The following CNTNAP5 variants were observed in gnomAD, a reference collection of about 807,000 sequenced individuals.
CNTNAP5 encodes contactin-associated protein-like 5.
In CNTNAP5, 72 loss-of-function variants were observed where a neutral mutation model predicts 150.2. The ratio of observed to expected loss-of-function variants is 0.48; its 90% CI spans 0.40 to 0.58. The LOEUF (loss-of-function observed/expected upper bound fraction) is 0.58, where lower values mean the gene tolerates loss of function less well. CNTNAP5 is among the 20% of genes least tolerant of loss of function. The pLI is 0.00. For synonymous variants in CNTNAP5, 672 were observed against 619.8 expected, an observed-to-expected ratio of 1.08 and a Z score of -1.25; for missense variants, 1,636 against 1,626.2, an observed-to-expected ratio of 1.01 and a Z score of -0.10.
intron 19 of CNTNAP5, among the ~76,000 whole-genome samples, chr2:124,857,163 A>C (rs1677392464): frequency 6.6e-6 from 1 of 152,090 alleles, no homozygotes; most frequent in South Asian, 2.1e-4. Flanking sequence ...GAGCCTCCCC[A>C]TAAGTACCCC....
chr2:124,030,446 A>G (rs1197398475), intron 1 of CNTNAP5, among the ~76,000 whole-genome samples: 1 of 152,152 alleles, frequency 6.6e-6, no homozygotes, highest in East Asian at 1.9e-4. Flanking sequence ...TAAAAAATCA[A>G]CATCTGGACC....
chr2:124,096,477 C>A (rs1214658695), intron 1 of CNTNAP5, among the ~76,000 whole-genome samples: 1 of 152,072 alleles, frequency 6.6e-6, no homozygotes, highest in African/African-American at 2.4e-5. Flanking sequence ...CTTTAGGGGA[C>A]TAGACATTCA....
intron 19 of CNTNAP5, among the ~76,000 whole-genome samples, chr2:124,840,104 G>T (rs1015933153): frequency 1.2e-4 from 19 of 152,096 alleles, no homozygotes; most frequent in African/African-American, 4.6e-4. Context: ...GAGAGGATGT[G>T]AGTCTCTTTA....
intron 3 of CNTNAP5, among the ~76,000 whole-genome samples, chr2:124,403,682 A>G (rs1691489362): frequency 6.6e-6 from 1 of 152,210 alleles, no homozygotes; most frequent in South Asian, 2.1e-4. Flanking sequence ...GAGGAATTAC[A>G]GTCCGGGTGC....
intron 11 of CNTNAP5, among the ~76,000 whole-genome samples, chr2:124,565,353 A>G (rs1695994355): frequency 2.0e-5 from 3 of 152,182 alleles, no homozygotes; most frequent in African/African-American, 7.2e-5. Context: ...TGGATTGTTC[A>G]TACCACAAAG....
chr2:124,485,523 GA>G (rs1693851785), intron 7 of CNTNAP5, among the ~76,000 whole-genome samples: 1 of 146,082 alleles, frequency 6.8e-6, no homozygotes, highest in Non-Finnish European at 1.5e-5. Flanking sequence ...TGAGGCAGGA[GA>G]ATAGCATGAA....
chr2:124,876,771 C>T (rs566660637), intron 21 of CNTNAP5, among the ~76,000 whole-genome samples: 3 of 152,136 alleles, frequency 2.0e-5, no homozygotes, highest in South Asian at 2.1e-4. Context: ...CTTTTTCAGA[C>T]TCAAATCCTC....
intron 13 of CNTNAP5, among the ~76,000 whole-genome samples, chr2:124,656,267 A>C (rs1036134299): frequency 6.6e-6 from 1 of 152,184 alleles, no homozygotes; most frequent in Non-Finnish European, 1.5e-5. Context: ...TTTCTAACTC[A>C]AAGTCTAGGC....
At chr2:124,775,037 T>C (rs1287064999) in intron 17 of CNTNAP5, among the ~76,000 whole-genome samples, 5 of 152,188 alleles carry the variant, frequency 3.3e-5, no homozygotes, top group Admixed American at 3.3e-4. Context: ...TTCTGCTATG[T>C]TTCTCTCCAA....
At chr2:124,053,642 G>A (rs980102228) in intron 1 of CNTNAP5, among the ~76,000 whole-genome samples, 4 of 152,152 alleles carry the variant, frequency 2.6e-5, no homozygotes, top group Admixed American at 2.6e-4. Flanking sequence ...GAGTTAAATG[G>A]CATGGTTTAC....
intron 3 of CNTNAP5, among the ~76,000 whole-genome samples, chr2:124,245,325 T>C (rs1686989308): frequency 6.6e-6 from 1 of 152,180 alleles, no homozygotes; most frequent in Admixed American, 6.5e-5. Context: ...TTCATCAGAT[T>C]ACGCTGCTGG....
intron 13 of CNTNAP5, among the ~76,000 whole-genome samples, chr2:124,660,276 T>C (rs2105043960): frequency 6.6e-6 from 1 of 152,254 alleles, no homozygotes; most frequent in Middle Eastern, 3.4e-3. Flanking sequence ...GGCATCTATC[T>C]TAGCGGTCTA....
chr2:124,359,178 A>G (rs1199133044), intron 3 of CNTNAP5, among the ~76,000 whole-genome samples: 1 of 151,878 alleles, frequency 6.6e-6, no homozygotes, highest in Non-Finnish European at 1.5e-5. Context: ...TATTGTGTCT[A>G]TTTGATCCTT....
At chr2:124,743,517 A>C (rs560327313) in intron 13 of CNTNAP5, among the ~76,000 whole-genome samples, 1 of 152,298 alleles carries the variant, frequency 6.6e-6, no homozygotes, top group South Asian at 2.1e-4. Context: ...CAGGGTCTGC[A>C]GAAACTCATC....
intron 13 of CNTNAP5, among the ~76,000 whole-genome samples, chr2:124,677,434 C>G (rs1187989040): frequency 6.6e-6 from 1 of 152,224 alleles, no homozygotes; most frequent in Non-Finnish European, 1.5e-5. Context: ...CAGGTTGCTG[C>G]TGCTGGCTGG....
intron 1 of CNTNAP5, among the ~76,000 whole-genome samples, chr2:124,050,301 G>A (rs1403199994): frequency 1.3e-5 from 2 of 151,784 alleles, no homozygotes; most frequent in Non-Finnish European, 2.9e-5. Context: ...CCATCTCTAC[G>A]AAAATACAAA....
At chr2:124,860,452 T>TTTCCTTCC in intron 19 of CNTNAP5, among the ~76,000 whole-genome samples, 1 of 48,272 alleles carries the variant, frequency 2.1e-5, no homozygotes, top group South Asian at 7.2e-4. Flanking sequence ...TCCTTCCTTC[T>TTTCCTTCC]TTCCTTCCTT....
chr2:124,260,955 C>G (rs1037599605), intron 3 of CNTNAP5, among the ~76,000 whole-genome samples: 1 of 152,056 alleles, frequency 6.6e-6, no homozygotes, highest in African/African-American at 2.4e-5. Context: ...TAATTATTCC[C>G]TTTTAATATG....
chr2:124,608,809 G>A (rs1360293271), intron 11 of CNTNAP5, among the ~76,000 whole-genome samples: 2 of 152,156 alleles, frequency 1.3e-5, no homozygotes, highest in East Asian at 3.9e-4. Context: ...GCTGGGCGTG[G>A]TGGCATGTGC....
Sources: allele counts gnomAD v4.1 joint callset (sites outside exome capture counted in the v4.1 genomes callset), GRCh38; gene constraint gnomAD v4.1.1; transcripts MANE v1.5; gene names NCBI Gene and HGNC (gene_info 2026-07-23, HGNC 2026-07-21).